RNF125: variants seen among roughly 807,000 people sequenced by gnomAD.
RNF125 encodes the protein E3 ubiquitin-protein ligase RNF125.
In RNF125, 21 loss-of-function variants were observed where a neutral mutation model predicts 26.0. That is an observed-to-expected ratio of 0.81 (90% CI 0.57 to 1.16). RNF125 has a LOEUF of 1.16. Ranked by LOEUF, RNF125 falls within the 50% of genes most tolerant of loss-of-function variation. The pLI is 0.00. For synonymous variants in RNF125, 95 were observed against 109.2 expected (o/e 0.87, Z 0.81); for missense variants, 270 against 299.4 (o/e 0.90, Z 0.72).
At chr18:32,038,087 C>T (rs1303607029) in intron 2 of RNF125, among the ~76,000 whole-genome samples, 3 of 130,308 alleles carry the variant, frequency 2.3e-5, no homozygotes, top group African/African-American at 5.9e-5. Context: ...CTTGCTCTGT[C>T]GCCCAGGCTG....
chr18:32,061,059 C>A (rs1275946141), intron 4 of RNF125, among the ~76,000 whole-genome samples: 1 of 152,146 alleles, frequency 6.6e-6, no homozygotes, highest in East Asian at 1.9e-4. Context: ...CAGTCTTGCT[C>A]TGGCGCCCAG....
At chr18:32,087,160 C>G in the RNF125 span, among the ~76,000 whole-genome samples, 2 of 151,944 alleles carry the variant, frequency 1.3e-5, no homozygotes, top group South Asian at 4.1e-4. Context: ...TTTGCAATAT[C>G]CTTTATAATA....
the RNF125 span, among the ~76,000 whole-genome samples, chr18:32,082,626 CTA>C: frequency 9.9e-5 from 15 of 152,274 alleles, no homozygotes; most frequent in South Asian, 4.1e-4. Context: ...AACGGAAACT[CTA>C]TGTGTGTAGG....
chr18:32,050,899 T>TGG (rs1233605881), intron 4 of RNF125, among the ~76,000 whole-genome samples: 3 of 96,018 alleles, frequency 3.1e-5, no homozygotes, highest in Admixed American at 1.3e-4. Flanking sequence ...TTTTTTTTTT[T>TGG]GAAGAGACGG....
rs755960241 is a variant in RNF125, at chr18:32,018,956, C to T, written c.93C>T (p.Pro31=). Residue 31 remains proline (P), a synonymous_variant, in exon 1 of 6, where the codon CCC becomes CCT. Coordinates refer to ENST00000217740, the MANE Select transcript of RNF125 (RefSeq NM_017831.4). ...ALERRRDPEL[P]VTSFDCAVCL... ...AGCGCAGGAGGGACCCGGAGTTGCCCGTCACGTCCTTCGACTGCGCCGTGT... is the reference window on the plus strand; with the variant it reads ...AGCGCAGGAGGGACCCGGAGTTGCCTGTCACGTCCTTCGACTGCGCCGTGT... 32 of 1,613,626 alleles carry T rather than the reference C, an allele frequency of 2.0e-5. No individual in the cohort carries two copies. Among genetic ancestry groups the T allele is most frequent in the Non-Finnish European group, 2.6e-5 (31 of 1,179,864 alleles).
At chr18:32,030,346 A>T (rs1432014800) in intron 1 of RNF125, among the ~76,000 whole-genome samples, 1 of 152,174 alleles carries the variant, frequency 6.6e-6, no homozygotes, top group East Asian at 1.9e-4. Flanking sequence ...CCCGGCAGTG[A>T]ATGTACCTAA....
the RNF125 span, among the ~76,000 whole-genome samples, chr18:32,081,952 G>C: frequency 6.6e-6 from 1 of 152,154 alleles, no homozygotes; most frequent in Non-Finnish European, 1.5e-5. Flanking sequence ...ATCATTTGAT[G>C]GACTGAGGTA....
intron 1 of RNF125, among the ~76,000 whole-genome samples, chr18:32,020,465 A>C (rs12455890): frequency 0.73 from 111,414 of 151,720 alleles, 41,188 homozygotes; most frequent in African/African-American, 0.81. Flanking sequence ...TGATGAAGCC[A>C]TGTGTGATAC....
chr18:32,086,810 T>A, the RNF125 span, among the ~76,000 whole-genome samples: 1 of 152,008 alleles, frequency 6.6e-6, no homozygotes, highest in Non-Finnish European at 1.5e-5. Flanking sequence ...TGAGCCACCA[T>A]GCCTGGCCTC....
chr18:32,019,497 G>A (rs918954632), intron 1 of RNF125, among the ~76,000 whole-genome samples: 1 of 152,200 alleles, frequency 6.6e-6, no homozygotes, highest in East Asian at 1.9e-4. Flanking sequence ...ACCCGGGTCC[G>A]TTTTGTTTTG....
chr18:32,064,972 CTAAT>C (rs767321339), intron 4 of RNF125, among the ~76,000 whole-genome samples: 3 of 152,040 alleles, frequency 2.0e-5, no homozygotes, highest in Non-Finnish European at 4.4e-5. Context: ...GGTAGGCAAA[CTAAT>C]TAAGTAAATT....
At chr18:32,035,579 A>G (rs1240941486) in intron 1 of RNF125, among the ~76,000 whole-genome samples, 2 of 152,236 alleles carry the variant, frequency 1.3e-5, no homozygotes, top group Non-Finnish European at 2.9e-5. Context: ...CAAAATTAGA[A>G]TGGACAATCT....
downstream of RNF125, among the ~76,000 whole-genome samples, chr18:32,075,216 G>A (rs971862940): frequency 6.6e-6 from 1 of 152,234 alleles, no homozygotes; most frequent in South Asian, 2.1e-4. Context: ...TCTCTTGCCT[G>A]GATCCCTAGA....
chr18:32,038,135 G>A lies in RNF125; in HGVS notation c.318+866G>A, dbSNP rs556636584. Among the ~76,000 whole-genome samples the A allele has an allele frequency of 2.9e-3, 413 of 143,340 alleles. 2 individuals are homozygous for A. The highest frequency in any genetic ancestry group is 0.01 in the African/African-American group (397 of 38,286). The allele number at this position is 143,340 out of a possible 152,430, so 94.0% of individuals were successfully genotyped here. ...GCCATCTCGGCCCACTGCAAGCTCC[G>A]CCTCTCAGGTTCAAGTGATTCTAAT... On this transcript the variant is annotated intron_variant, in intron 2 of 5. Transcript: ENST00000217740.
chr18:32,023,074 C>T (rs1382085501), intron 1 of RNF125, among the ~76,000 whole-genome samples: 1 of 152,128 alleles, frequency 6.6e-6, no homozygotes, highest in Non-Finnish European at 1.5e-5. Flanking sequence ...CCTCCACCTC[C>T]TGGGCTCAGC....
In RNF125 at chr18:32,040,952, G is replaced by A. The variant is rs1335757870; in HGVS notation, c.319-1227G>A. ...TTTTAGGTGGATATTTGTAAAGCCA[G>A]GGTTTTGTTCTTACTTTTCACTTGC... On this transcript the variant is annotated intron_variant, in intron 2 of 5. Coordinates refer to ENST00000217740, the MANE Select transcript of RNF125 (RefSeq NM_017831.4). Among the ~76,000 whole-genome samples the A allele has an allele frequency of 2.0e-5, 3 of 152,136 alleles. No individual in the cohort carries two copies. In the East Asian group the frequency reaches 5.8e-4, roughly 29 times the overall value.
chr18:32,044,466 A>G (rs904520315), intron 3 of RNF125, among the ~76,000 whole-genome samples: 10 of 152,144 alleles, frequency 6.6e-5, no homozygotes, highest in Non-Finnish European at 1.3e-4. Flanking sequence ...AATTATCAAG[A>G]TATTTTACAT....
intron 4 of RNF125, among the ~76,000 whole-genome samples, chr18:32,061,282 C>T (rs2039433028): frequency 6.6e-6 from 1 of 152,158 alleles, no homozygotes; most frequent in Non-Finnish European, 1.5e-5. Context: ...CCTTGCCCTC[C>T]CAAAGTGCTG....
intron 4 of RNF125, among the ~76,000 whole-genome samples, chr18:32,052,701 GAT>G (rs1381280453): frequency 6.6e-6 from 1 of 152,134 alleles, no homozygotes; most frequent in African/African-American, 2.4e-5. Context: ...CTAAGCCACA[GAT>G]AGAGCGGAGT....
Sources: gnomAD v4.1 joint callset for allele counts (sites outside exome capture counted in the v4.1 genomes callset) on GRCh38, gnomAD v4.1.1 for gene constraint, MANE v1.5 for transcripts, NCBI Gene and HGNC (gene_info 2026-07-23, HGNC 2026-07-21) for gene names.